SLC44A2: variants seen among roughly 807,000 people sequenced by gnomAD.
SLC44A2 encodes the protein choline transporter-like protein 2.
In SLC44A2, 57 loss-of-function variants were observed where a neutral mutation model predicts 90.8. The observed-to-expected ratio is 0.63, with a 90% CI of 0.51 to 0.78. The LOEUF (loss-of-function observed/expected upper bound fraction) is 0.78, where lower values mean the gene tolerates loss of function less well. Among genes scored for constraint, SLC44A2 ranks in the 30% least tolerant of loss-of-function variants. SLC44A2 has a pLI of 0.00. For missense variants in SLC44A2, 794 were observed against 919.7 expected, an observed-to-expected ratio of 0.86 and a Z score of 1.77; for synonymous variants, 355 against 360.7, an observed-to-expected ratio of 0.98 and a Z score of 0.18.
chr19:10,627,154 C>T (rs150696463), intron 2 of SLC44A2, among the ~76,000 whole-genome samples: 4,300 of 151,996 alleles, frequency 0.028, 71 homozygotes, highest in South Asian at 0.078. Flanking sequence ...AACCCTGTCT[C>T]TACTAAAAAT....
intron 21 of SLC44A2, among the ~76,000 whole-genome samples, chr19:10,642,655 G>A (rs1040412541): frequency 8.5e-5 from 13 of 152,160 alleles, no homozygotes; most frequent in Non-Finnish European, 1.9e-4. Context: ...CACTGGCCCA[G>A]GCTGCAGCCT....
At chr19:10,609,098 C>T (rs1918206034) in intron 1 of SLC44A2, among the ~76,000 whole-genome samples, 1 of 150,668 alleles carries the variant, frequency 6.6e-6, no homozygotes, top group Non-Finnish European at 1.5e-5. Flanking sequence ...GCTGGGATTA[C>T]AGGCATGTGC....
intron 1 of SLC44A2, among the ~76,000 whole-genome samples, chr19:10,618,859 C>T (rs184693726): frequency 3.8e-4 from 58 of 152,056 alleles, no homozygotes; most frequent in African/African-American, 1.3e-3. Context: ...CAGGCATGAG[C>T]CACCATGCCT....
upstream of SLC44A2, among the ~76,000 whole-genome samples, chr19:10,623,084 T>C (rs1362280304): frequency 6.6e-6 from 1 of 152,042 alleles, no homozygotes; most frequent in African/African-American, 2.4e-5. Flanking sequence ...GGGCACCCTG[T>C]GTAGTTGGGA....
chr19:10,625,444 C>T, upstream of SLC44A2: 1 of 1,213,274 alleles, frequency 8.2e-7, no homozygotes, highest in Non-Finnish European at 1.0e-6. Flanking sequence ...CCGCCCGCGC[C>T]CTCCCGGGTC....
chr19:10,630,776 G>A (rs544875635), intron 4 of SLC44A2, among the ~76,000 whole-genome samples: 1 of 152,104 alleles, frequency 6.6e-6, no homozygotes, highest in South Asian at 2.1e-4. Context: ...GGCCAAGGCA[G>A]GCGGATCACC....
intron 1 of SLC44A2, among the ~76,000 whole-genome samples, chr19:10,620,300 G>T (rs2066887007): frequency 6.6e-6 from 1 of 152,108 alleles, no homozygotes; most frequent in South Asian, 2.1e-4. Flanking sequence ...AGCAAACATA[G>T]TGAAACCCCA....
At chr19:10,636,907 C>T (rs1013356433) in intron 16 of SLC44A2, 151 bp downstream of exon 16, 9 of 790,128 alleles carry the variant, frequency 1.1e-5, no homozygotes, top group African/African-American at 3.5e-5. Flanking sequence ...CAGGAGTTGG[C>T]GTGATTGAGT....
chr19:10,625,975 G>C (rs913732723), intron 1 of SLC44A2, among the ~76,000 whole-genome samples: 2 of 152,076 alleles, frequency 1.3e-5, no homozygotes, highest in Admixed American at 6.6e-5. Flanking sequence ...CTGGTTCCGT[G>C]GTGGTCACCA....
At chr19:10,632,257 C>G (rs2067005108) in intron 10 of SLC44A2, 101 bp downstream of exon 10, 2 of 1,105,170 alleles carry the variant, frequency 1.8e-6, no homozygotes, top group African/African-American at 1.5e-5. Context: ...AAAAGTCAGG[C>G]CGGGCGTGGT....
chr19:10,627,496 A>T (rs142662900), intron 2 of SLC44A2, among the ~76,000 whole-genome samples: 57 of 152,072 alleles, frequency 3.7e-4, no homozygotes, highest in African/African-American at 1.3e-3. Flanking sequence ...AGCTATGATC[A>T]TGCCACTGTA....
intron 1 of SLC44A2, among the ~76,000 whole-genome samples, chr19:10,617,008 G>A (rs573080520): frequency 2.4e-4 from 37 of 152,078 alleles, no homozygotes; most frequent in African/African-American, 8.2e-4. Context: ...TGCAAGCTCC[G>A]CCTCCCGGGT....
At chr19:10,622,722 G>A (rs926774421), upstream of SLC44A2, among the ~76,000 whole-genome samples, 1 of 151,864 alleles carries the variant, frequency 6.6e-6, no homozygotes, top group Non-Finnish European at 1.5e-5. Flanking sequence ...GCAACATTGC[G>A]AGACCCTGTC....
At chr19:10,625,931 C>T (rs553444746) in intron 1 of SLC44A2, among the ~76,000 whole-genome samples, 1 of 152,212 alleles carries the variant, frequency 6.6e-6, no homozygotes, top group South Asian at 2.1e-4. Flanking sequence ...CGCCTCCTTC[C>T]CCCTATCCCA....
rs549788897 is a variant in SLC44A2 at position 10,638,972 on chromosome 19, C to T, written c.1929+657C>T. On this transcript the variant is annotated intron_variant, in intron 20 of 21. Coordinates refer to ENST00000335757, the MANE Select transcript of SLC44A2 (RefSeq NM_020428.4). ...GAGCCACCACGTGTGGCTAATTTTA[C>T]ATTTTTAGTAGAGACGGGGTTTCTC... Among the ~76,000 whole-genome samples the T allele has an allele frequency of 8.3e-4, 127 of 152,150 alleles. 6 individuals are homozygous for T. In the South Asian group the frequency reaches 0.024, roughly 28 times the overall value.
intron 2 of SLC44A2, among the ~76,000 whole-genome samples, chr19:10,626,891 C>T (rs1326231353): frequency 6.7e-6 from 1 of 149,854 alleles, no homozygotes; most frequent in African/African-American, 2.4e-5. Flanking sequence ...TGTGACTACT[C>T]AGAGGCTACT....
Position 10,643,259 on chromosome 19 carries a change from T to C in SLC44A2, c.2015-20T>C, listed in dbSNP as rs2067137694. On this transcript the variant is annotated intron_variant, in intron 21 of 21. Coordinates refer to ENST00000335757, the MANE Select transcript of SLC44A2 (RefSeq NM_020428.4). ...CGTGGGCTCCCCTCATGCCTCCTGC[T>C]CTGGGACCTCTCTCCACAGTGGAGG... is the stretch of plus-strand genomic sequence containing the variant. 6.2e-7 allele frequency: 1 copy of C among 1,602,776 alleles called. No homozygotes were observed. The highest frequency in any genetic ancestry group is 8.5e-7 in the Non-Finnish European group (1 of 1,173,988).
At chr19:10,623,933 C>T (rs1442791921), upstream of SLC44A2, among the ~76,000 whole-genome samples, 1 of 152,056 alleles carries the variant, frequency 6.6e-6, no homozygotes, top group Admixed American at 6.6e-5. Flanking sequence ...CAGTGATCTG[C>T]CCGCCTCGGC....
intron 1 of SLC44A2, among the ~76,000 whole-genome samples, chr19:10,613,047 G>A (rs767877245): frequency 1.3e-5 from 2 of 151,622 alleles, no homozygotes; most frequent in African/African-American, 4.8e-5. Context: ...TTTTTGTTTT[G>A]TTATTTTTAT....
Sources: gnomAD v4.1 joint callset for allele counts (sites outside exome capture counted in the v4.1 genomes callset) on GRCh38, gnomAD v4.1.1 for gene constraint, MANE v1.5 for transcripts, NCBI Gene and HGNC (gene_info 2026-07-23, HGNC 2026-07-21) for gene names.